Variants in WNT7B observed in about 807,000 individuals in gnomAD.
WNT7B encodes the protein protein Wnt-7b.
Under a neutral mutation model 38.2 loss-of-function variants are expected in WNT7B, and 19 were observed. The observed-to-expected ratio is 0.50, with a 90% CI of 0.35 to 0.73. The LOEUF (loss-of-function observed/expected upper bound fraction) is 0.73, where lower values mean the gene tolerates loss of function less well. Among genes scored for constraint, WNT7B ranks in the 30% least tolerant of loss-of-function variants. WNT7B has a pLI of 0.01. For synonymous variants in WNT7B, 243 were observed against 209.3 expected (o/e 1.16, Z -1.39); for missense variants, 423 against 507.9 (o/e 0.83, Z 1.61).
rs1932569719 is a variant in WNT7B at position 45,977,100 on chromosome 22, A to T, written c.-346T>A. On this transcript the variant is annotated 5_prime_UTR_variant, in exon 1 of 4. Coordinates refer to ENST00000339464, the MANE Select transcript of WNT7B (RefSeq NM_058238.3). ...CTAGGCGCAGCCGCCTGAGGCCGTGAGCGCCTCGCCGAGCGCCGCGGCGGC... is the reference window on the plus strand; with the variant it reads ...CTAGGCGCAGCCGCCTGAGGCCGTGTGCGCCTCGCCGAGCGCCGCGGCGGC... 1.2e-6 allele frequency: 1 copy of T among 853,354 alleles called. No homozygotes were observed. Among genetic ancestry groups the T allele is most frequent in the Non-Finnish European group, 1.4e-6 (1 of 709,780 alleles). The allele number at this position is 853,354 out of a possible 1,614,324, so 52.9% of individuals were successfully genotyped here.
At chr22:45,930,368 C>T (rs928253930) in intron 3 of WNT7B, among the ~76,000 whole-genome samples, 3 of 152,258 alleles carry the variant, frequency 2.0e-5, no homozygotes, top group African/African-American at 4.8e-5. Flanking sequence ...GGCTCTGCTG[C>T]CCTGGGTGCA....
intron 1 of WNT7B, among the ~76,000 whole-genome samples, chr22:45,961,736 C>T (rs1309807946): frequency 1.3e-5 from 2 of 152,304 alleles, no homozygotes; most frequent in African/African-American, 4.8e-5. Flanking sequence ...CCTCAGTTTC[C>T]CATCTGTGTA....
chr22:45,933,429 T>G (rs1931429945), intron 2 of WNT7B, among the ~76,000 whole-genome samples: 1 of 152,116 alleles, frequency 6.6e-6, no homozygotes, highest in Admixed American at 6.5e-5. Context: ...TCCCCGAGTC[T>G]AAATTAGGTC....
rs946527899 is a variant in WNT7B at position 45,949,914 on chromosome 22, C to G, written c.298+6G>C. 6.2e-7 allele frequency: 1 copy of G among 1,604,636 alleles called. No individual in the cohort carries two copies. Among genetic ancestry groups the G allele is most frequent in the Non-Finnish European group, 8.5e-7 (1 of 1,173,132 alleles). Reference sequence around the variant, plus strand: ...CTGGGCCCCTTGAGCCCAGAGGCGCCCTTACCTACTCGGAGCTCTTGCCCG... The same window carrying G: ...CTGGGCCCCTTGAGCCCAGAGGCGCGCTTACCTACTCGGAGCTCTTGCCCG... On this transcript the variant is annotated splice_donor_region_variant and intron_variant, in intron 2 of 3. Transcript: ENST00000339464.
intron 3 of WNT7B, chr22:45,926,893 A>G: frequency 2.0e-6 from 2 of 985,414 alleles, no homozygotes; most frequent in Non-Finnish European, 2.4e-6. Context: ...CGGTGTGAAC[A>G]ATGCGCCCAC....
intron 3 of WNT7B, chr22:45,926,713 C>T (rs1338106152): frequency 1.0e-6 from 1 of 985,254 alleles, no homozygotes; most frequent in African/African-American, 1.7e-5. Flanking sequence ...TAAGTGTGGC[C>T]CTGACCTGTG....
intron 3 of WNT7B, among the ~76,000 whole-genome samples, chr22:45,928,867 G>A (rs572439727): frequency 1.3e-4 from 20 of 151,962 alleles, no homozygotes; most frequent in Non-Finnish European, 2.1e-4. Flanking sequence ...CGCATACCAC[G>A]ACATACCACG....
chr22:45,926,415 G>A (rs1308994321), intron 3 of WNT7B: 1 of 985,238 alleles, frequency 1.0e-6, no homozygotes, highest in Non-Finnish European at 1.2e-6. Flanking sequence ...GGACTGAGGG[G>A]GCTCCAGGAA....
intron 2 of WNT7B, among the ~76,000 whole-genome samples, chr22:45,944,676 G>A (rs911919992): frequency 1.3e-5 from 2 of 152,222 alleles, no homozygotes; most frequent in South Asian, 4.1e-4. Context: ...GGCCCAGCAG[G>A]CATTGCCTCC....
At chr22:45,969,133 C>T (rs1423510160) in intron 1 of WNT7B, among the ~76,000 whole-genome samples, 2 of 152,244 alleles carry the variant, frequency 1.3e-5, no homozygotes, top group Non-Finnish European at 2.9e-5. Context: ...GGGACTGTGG[C>T]TGGCACCGCT....
intron 2 of WNT7B, among the ~76,000 whole-genome samples, 161 bp downstream of exon 2, chr22:45,949,759 G>T (rs1450933100): frequency 6.6e-6 from 1 of 152,262 alleles, no homozygotes; most frequent in Non-Finnish European, 1.5e-5. Flanking sequence ...GTGCTGCCTA[G>T]GGCCAGGCCA....
intron 2 of WNT7B, 51 bp downstream of exon 2, chr22:45,949,869 A>G: frequency 6.4e-7 from 1 of 1,557,688 alleles, no homozygotes. Context: ...GGCCTGGCCT[A>G]CTGCCCCTGG....
chr22:45,931,105 C>A lies in WNT7B; in HGVS notation c.563G>T (p.Gly188Val). ...GCCGCACCCGCACCCTACCTTCCTG[C>A]CGGCCTCATTGTTATGCAGGTTCAT... ...RLMNLHNNEA[G>V]RKVLEDRMQL... The change falls in exon 3 of 4, where the codon GGC becomes GTC. Residue 188 changes from glycine to valine, a missense_variant. Transcript: ENST00000339464. The A allele has an allele frequency of 6.3e-7, 1 of 1,576,378 alleles. No individual in the cohort carries two copies.
At chr22:45,926,961 G>A (rs73175050) in intron 3 of WNT7B, 121,325 of 985,398 alleles carry the variant, frequency 0.12, 7,866 homozygotes, top group East Asian at 0.21. Flanking sequence ...CGTGGGACAT[G>A]GCCAGCTAAG....
At chr22:45,936,217 T>C (rs1400105417) in intron 2 of WNT7B, 3 of 973,308 alleles carry the variant, frequency 3.1e-6, no homozygotes, top group Non-Finnish European at 3.7e-6. Context: ...TCTCTGAGCC[T>C]GTGTTCCCAT....
chr22:45,954,659 C>T (rs1335286539), intron 1 of WNT7B: 14 of 985,310 alleles, frequency 1.4e-5, no homozygotes, highest in African/African-American at 3.5e-5. Flanking sequence ...GAATAGAATA[C>T]AGGCTCCTGC....
At position 45,951,924 on chromosome 22, in the gene WNT7B, G is replaced by C. The variant is rs984013231; in HGVS notation, c.72-1778C>G. Among the ~76,000 whole-genome samples the C allele has an allele frequency of 6.6e-6, 1 of 152,170 alleles. No homozygotes were observed. The highest frequency in any genetic ancestry group is 1.9e-4 in the East Asian group (1 of 5,192). ...AGTTGCTGGGTCAGGTGGTCCCTTC[G>C]CTTTCTGAGGACTTGCCGGACTGCC... On this transcript the variant is annotated intron_variant, in intron 1 of 3. Transcript: ENST00000339464. The surrounding 1 kb of genome is among the most constrained non-coding windows in gnomAD (Gnocchi z 4.8).
chr22:45,934,230 G>A (rs1367316540), intron 2 of WNT7B, among the ~76,000 whole-genome samples: 2 of 152,186 alleles, frequency 1.3e-5, no homozygotes, highest in Non-Finnish European at 2.9e-5. Context: ...GCCTGGGGTC[G>A]GGGGCCCTGG....
At chr22:45,938,647 A>G (rs1053256347) in intron 2 of WNT7B, among the ~76,000 whole-genome samples, 1 of 152,128 alleles carries the variant, frequency 6.6e-6, no homozygotes, top group African/African-American at 2.4e-5. Context: ...TGAAAAAAAA[A>G]AGAGAGGTAC....
Sources: allele counts gnomAD v4.1 joint callset (sites outside exome capture counted in the v4.1 genomes callset), GRCh38; gene constraint gnomAD v4.1.1; non-coding constraint Gnocchi (gnomAD v3.1); transcripts MANE v1.5; gene names NCBI Gene and HGNC (gene_info 2026-07-23, HGNC 2026-07-21).